The following LYRM4 variants were observed in gnomAD, a reference collection of about 807,000 sequenced individuals.
LYRM4 encodes LYR motif-containing protein 4.
A neutral mutation model predicts 11.7 loss-of-function variants in LYRM4; 9 were observed. That is an observed-to-expected ratio of 0.77 (90% confidence interval 0.46 to 1.34). The LOEUF is 1.34. Among genes scored for constraint, LYRM4 ranks in the 40% most tolerant of loss-of-function variants. The probability of loss-of-function intolerance (pLI) is 0.00; values close to 1 mark genes in which losing one functional copy is unlikely to be tolerated. For synonymous variants in LYRM4, 42 were observed against 40.4 expected (o/e 1.04, Z -0.15); for missense variants, 133 against 112.5 (o/e 1.18, Z -0.82).
rs148920228 is a variant in LYRM4, at chr6:5,142,086, G to A, written c.208-32595C>T. Reference sequence around the variant, plus strand: ...TGGCAGATGGTGTTTTCCAATGATTGTATTACAATGAATGGACCCTCCTCT... The same window carrying A: ...TGGCAGATGGTGTTTTCCAATGATTATATTACAATGAATGGACCCTCCTCT... On this transcript the variant is annotated intron_variant, in intron 2 of 2. Transcript: ENST00000330636. Among the ~76,000 whole-genome samples, 54 of 152,226 alleles carry A rather than the reference G, an allele frequency of 3.5e-4. No individual in the cohort carries two copies. In the East Asian group the frequency reaches 3.9e-3, roughly 11 times the overall value.
chr6:5,245,161 T>A lies in LYRM4; in HGVS notation c.86+15487A>T, dbSNP rs182871852. ...ATATATATATATATATATATATATA[T>A]ATAAAATAGGTGAATTTCTGGAACA... is the stretch of plus-strand genomic sequence containing the variant. On this transcript the variant is annotated intron_variant, in intron 1 of 2. Coordinates refer to ENST00000330636, the MANE Select transcript of LYRM4 (RefSeq NM_020408.6). Among the ~76,000 whole-genome samples the A allele has an allele frequency of 7.0e-3, 509 of 72,412 alleles. 13 individuals are homozygous for A. The highest frequency in any genetic ancestry group is 0.025 in the African/African-American group (465 of 18,764). 47.5% of individuals were successfully genotyped at this position (72,412 alleles called of 152,430 possible).
chr6:5,062,081 CTTTTT>C, the LYRM4 span, among the ~76,000 whole-genome samples: 13,779 of 116,606 alleles, frequency 0.12, 569 homozygotes, highest in Middle Eastern at 0.17. Context: ...CTTCCTTCTT[CTTTTT>C]TTTTTTTTTT....
At chr6:5,060,640 G>A in the LYRM4 span, among the ~76,000 whole-genome samples, 1 of 151,964 alleles carries the variant, frequency 6.6e-6, no homozygotes, top group Non-Finnish European at 1.5e-5. Context: ...TTATTCTTAT[G>A]TCTCAGCCTC....
At chr6:5,239,186 C>G (rs182462334) in intron 1 of LYRM4, among the ~76,000 whole-genome samples, 1 of 152,198 alleles carries the variant, frequency 6.6e-6, no homozygotes, top group East Asian at 1.9e-4. Context: ...AAAGAAGGTC[C>G]GGCAAGGGAA....
At chr6:5,222,689 A>T (rs13213703) in intron 1 of LYRM4, among the ~76,000 whole-genome samples, 7,406 of 151,936 alleles carry the variant, frequency 0.049, 592 homozygotes, top group African/African-American at 0.16. Context: ...CCTCAGTAAG[A>T]TGACTATTAA....
chr6:5,143,176 T>C (rs10458182), intron 2 of LYRM4, among the ~76,000 whole-genome samples: 31,161 of 152,114 alleles, frequency 0.2, 3,721 homozygotes, highest in African/African-American at 0.32. Flanking sequence ...TGTGGCCACA[T>C]TGAGGAGGCC....
At chr6:5,085,260 A>C in the LYRM4 span, 5 of 453,526 alleles carry the variant, frequency 1.1e-5, no homozygotes, top group Non-Finnish European at 1.9e-5. Flanking sequence ...GTGGCCCCGG[A>C]GCCGGCCCCA....
chr6:5,157,187 T>A lies in LYRM4; in HGVS notation c.208-47696A>T, dbSNP rs529505569. ...TATAAGAGTTACTAAGCGAAAGCAC[T>A]CAACGCAAAAAAGTATTTTCCCTAG... On this transcript the variant is annotated intron_variant, in intron 2 of 2. Transcript: ENST00000330636. Among the ~76,000 whole-genome samples the A allele has an allele frequency of 2.0e-5, 3 of 152,278 alleles. No homozygotes were observed. The South Asian group carries it at 6.2e-4, about 32-fold the overall frequency.
chr6:5,047,756 A>G, the LYRM4 span, among the ~76,000 whole-genome samples: 1 of 152,358 alleles, frequency 6.6e-6, no homozygotes, highest in Admixed American at 6.5e-5. Context: ...AAACAATTCA[A>G]GTTGTATTTG....
intron 2 of LYRM4, among the ~76,000 whole-genome samples, chr6:5,189,329 C>T (rs544176682): frequency 6.6e-6 from 1 of 151,894 alleles, no homozygotes; most frequent in Non-Finnish European, 1.5e-5. Context: ...AGTGCTTAGC[C>T]TAAGGTTAGT....
At chr6:5,205,340 C>T (rs1761633482) in intron 2 of LYRM4, among the ~76,000 whole-genome samples, 2 of 151,940 alleles carry the variant, frequency 1.3e-5, no homozygotes, top group Non-Finnish European at 2.9e-5. Flanking sequence ...ACATGGAAGG[C>T]CCAGCCCTCC....
chr6:5,215,989 C>T (rs764623467), intron 2 of LYRM4, among the ~76,000 whole-genome samples: 8 of 152,288 alleles, frequency 5.3e-5, no homozygotes, highest in African/African-American at 1.9e-4. Flanking sequence ...TATCAGACCA[C>T]GCAGGAGATC....
chr6:5,218,366 AG>A (rs1762397375), intron 1 of LYRM4: 4 of 985,198 alleles, frequency 4.1e-6, no homozygotes, highest in Non-Finnish European at 4.8e-6. Context: ...AGCAGCGCGG[AG>A]GGGGTGTTGG....
chr6:5,198,052 G>A (rs1217189933), intron 2 of LYRM4, among the ~76,000 whole-genome samples: 1 of 152,072 alleles, frequency 6.6e-6, no homozygotes, highest in African/African-American at 2.4e-5. Context: ...CAAAAAAACA[G>A]CTGGGTGTAG....
At chr6:5,052,749 T>C in the LYRM4 span, among the ~76,000 whole-genome samples, 1 of 152,234 alleles carries the variant, frequency 6.6e-6, no homozygotes, top group Non-Finnish European at 1.5e-5. Context: ...GTTATGCATA[T>C]TTACAATCTT....
At chr6:5,193,387 T>C (rs960634778) in intron 2 of LYRM4, among the ~76,000 whole-genome samples, 2 of 152,176 alleles carry the variant, frequency 1.3e-5, no homozygotes, top group African/African-American at 4.8e-5. Flanking sequence ...AGTCATCCAG[T>C]TGAAGAAACA....
chr6:5,065,855 T>C, the LYRM4 span: 2 of 298,018 alleles, frequency 6.7e-6, no homozygotes, highest in East Asian at 2.1e-4. Context: ...TGGAACACTA[T>C]AGTTTCAAAA....
chr6:5,151,405 T>G (rs1758081241), intron 2 of LYRM4, among the ~76,000 whole-genome samples: 1 of 152,138 alleles, frequency 6.6e-6, no homozygotes, highest in African/African-American at 2.4e-5. Flanking sequence ...TTTAAATAAT[T>G]TCTGAAGTCT....
At chr6:5,172,464 G>A (rs75230604) in intron 2 of LYRM4, among the ~76,000 whole-genome samples, 3 of 152,116 alleles carry the variant, frequency 2.0e-5, no homozygotes, top group Non-Finnish European at 2.9e-5. Flanking sequence ...TGATGCTAGC[G>A]TCACTAAGCT....
Sources: gnomAD v4.1 joint callset for allele counts (sites outside exome capture counted in the v4.1 genomes callset) on GRCh38, gnomAD v4.1.1 for gene constraint, MANE v1.5 for transcripts, NCBI Gene and HGNC (gene_info 2026-07-23, HGNC 2026-07-21) for gene names.